NME7: variants seen among roughly 807,000 people sequenced by gnomAD.
NME7 encodes the protein nucleoside diphosphate kinase 7.
In NME7, 41 loss-of-function variants were observed where a neutral mutation model predicts 49.1. That is an observed-to-expected ratio of 0.83 (90% CI 0.65 to 1.08). The LOEUF is 1.08. Ranked by LOEUF, NME7 falls within the 50% of genes least tolerant of loss-of-function variation. The pLI is 0.00. For missense variants in NME7, 423 were observed against 463.4 expected (o/e 0.91, Z 0.80); for synonymous variants, 139 against 150.6 (o/e 0.92, Z 0.56).
intron 6 of NME7, among the ~76,000 whole-genome samples, chr1:169,293,827 CTTCAT>C (rs1449295102): frequency 6.6e-6 from 1 of 152,010 alleles, no homozygotes; most frequent in Non-Finnish European, 1.5e-5. Flanking sequence ...TGGCATATAT[CTTCAT>C]TTATTTATGT....
chr1:169,205,471 A>C (rs1265005807), intron 10 of NME7, among the ~76,000 whole-genome samples: 2 of 152,164 alleles, frequency 1.3e-5, no homozygotes, highest in Non-Finnish European at 2.9e-5. Context: ...CTCTGAGAAA[A>C]GTAAGAAAAA....
At chr1:169,272,025 G>GA (rs1323210868) in intron 7 of NME7, among the ~76,000 whole-genome samples, 2 of 129,598 alleles carry the variant, frequency 1.5e-5, no homozygotes, top group African/African-American at 2.6e-5. Context: ...GAAATAAAAG[G>GA]AAAAAAAAGC....
At chr1:169,209,876 C>A (rs1164886286) in intron 10 of NME7, among the ~76,000 whole-genome samples, 1 of 152,070 alleles carries the variant, frequency 6.6e-6, no homozygotes, top group Admixed American at 6.6e-5. Flanking sequence ...CTACAGGCTT[C>A]AGAATAAATG....
chr1:169,160,508 T>C (rs994176130), intron 11 of NME7, among the ~76,000 whole-genome samples: 12 of 152,216 alleles, frequency 7.9e-5, no homozygotes, highest in Middle Eastern at 3.4e-3. Flanking sequence ...ATCTGGAATA[T>C]ATAGTATATA....
chr1:169,213,768 G>A (rs1013040168), intron 10 of NME7, among the ~76,000 whole-genome samples: 1 of 151,750 alleles, frequency 6.6e-6, no homozygotes, highest in Non-Finnish European at 1.5e-5. Context: ...TCAGACAGCA[G>A]TTGAGCTGTC....
intron 10 of NME7, among the ~76,000 whole-genome samples, chr1:169,210,223 G>A (rs1262720270): frequency 6.6e-6 from 1 of 152,120 alleles, no homozygotes; most frequent in Non-Finnish European, 1.5e-5. Context: ...ACCCAAGTCT[G>A]TATACCACAG....
intron 10 of NME7, among the ~76,000 whole-genome samples, chr1:169,193,846 A>T (rs1166252169): frequency 6.6e-6 from 1 of 152,186 alleles, no homozygotes; most frequent in Non-Finnish European, 1.5e-5. Flanking sequence ...AGTGGAAAGA[A>T]ATAAAAGAGG....
chr1:169,276,011 C>T lies in NME7; in HGVS notation c.754+11292G>A, dbSNP rs376305814. ...ATTTATTGATTTGCGTATATTGAAC[C>T]GGCCTTGCATCCCAGGGATGAAGCC... On this transcript the variant is annotated intron_variant, in intron 7 of 11. Coordinates refer to ENST00000367811, the MANE Select transcript of NME7 (RefSeq NM_013330.5). 6.4e-4 allele frequency among the ~76,000 whole-genome samples: 86 copies of T among 133,622 alleles called. 21 individuals are homozygous for T. Among genetic ancestry groups the T allele is most frequent in the Non-Finnish European group, 9.1e-4 (52 of 56,874 alleles). The allele number at this position is 133,622 out of a possible 152,430, so 87.7% of individuals were successfully genotyped here.
At chr1:169,168,941 T>C (rs997443814) in intron 11 of NME7, 5 of 452,216 alleles carry the variant, frequency 1.1e-5, no homozygotes, top group African/African-American at 1.0e-4. Context: ...ACCAGCACAG[T>C]TCAAACATTG....
intron 7 of NME7, among the ~76,000 whole-genome samples, chr1:169,244,089 A>C (rs1389925481): frequency 2.6e-5 from 4 of 152,146 alleles, no homozygotes; most frequent in Admixed American, 6.5e-5. Context: ...ACAGCTATGA[A>C]ACATCTGTTT....
chr1:169,156,319 A>T lies in NME7; in HGVS notation c.1098+13128T>A, dbSNP rs554118022. On this transcript the variant is annotated intron_variant, in intron 11 of 11. Coordinates refer to ENST00000367811, the MANE Select transcript of NME7 (RefSeq NM_013330.5). ...AGTGAGACTCTGTCTCAAAAAAATTAAAAAAAAAATTAAAAAGCCATCCAG... is the reference window on the plus strand; with the variant it reads ...AGTGAGACTCTGTCTCAAAAAAATTTAAAAAAAAATTAAAAAGCCATCCAG... 1.1e-4 allele frequency among the ~76,000 whole-genome samples: 16 copies of T among 148,146 alleles called. No individual in the cohort carries two copies. The East Asian group carries it at 1.2e-3, about 11-fold the overall frequency.
At chr1:169,185,173 C>CA (rs1473763184) in intron 10 of NME7, among the ~76,000 whole-genome samples, 1 of 152,158 alleles carries the variant, frequency 6.6e-6, no homozygotes, top group Admixed American at 6.5e-5. Flanking sequence ...CTTCCTGACT[C>CA]AAACACCTCT....
chr1:169,235,391 C>T lies in NME7; in HGVS notation c.820-192G>A, dbSNP rs556699867. 4.6e-5 allele frequency among the ~76,000 whole-genome samples: 7 copies of T among 152,174 alleles called. No individual in the cohort carries two copies. In the East Asian group the frequency reaches 1.4e-3, roughly 29 times the overall value. ...AGAATAATAATGGATAACAGCATCA[C>T]TCTAGGTTCTATACGTGCATCATCT... On this transcript the variant is annotated intron_variant, in intron 8 of 11. Transcript: ENST00000367811.
intron 6 of NME7, among the ~76,000 whole-genome samples, chr1:169,293,225 G>A (rs1461548320): frequency 6.6e-6 from 1 of 150,926 alleles, no homozygotes; most frequent in Non-Finnish European, 1.5e-5. Context: ...GAGCCCATGG[G>A]TTCAAAGTTA....
chr1:169,154,053 C>T (rs1658992528), intron 11 of NME7, among the ~76,000 whole-genome samples: 1 of 151,806 alleles, frequency 6.6e-6, no homozygotes, highest in African/African-American at 2.4e-5. Context: ...CTCACTCTGT[C>T]ATCCAGCTGG....
chr1:169,143,896 T>C (rs1371550256), intron 11 of NME7, among the ~76,000 whole-genome samples: 1 of 152,166 alleles, frequency 6.6e-6, no homozygotes, highest in Non-Finnish European at 1.5e-5. Flanking sequence ...TTTTTTATTG[T>C]GGACAACTTT....
intron 11 of NME7, among the ~76,000 whole-genome samples, chr1:169,154,210 G>A (rs937874169): frequency 6.7e-5 from 10 of 148,238 alleles, no homozygotes; most frequent in Admixed American, 6.0e-4. Flanking sequence ...ACTGGGTCTT[G>A]CCATGTTGCC....
At chr1:169,283,050 A>C (rs1411430795) in intron 7 of NME7, among the ~76,000 whole-genome samples, 1 of 152,144 alleles carries the variant, frequency 6.6e-6, no homozygotes, top group Non-Finnish European at 1.5e-5. Flanking sequence ...CTGGGGTGTT[A>C]AATTCTCCCA....
chr1:169,348,992 G>A (rs1389505032), intron 1 of NME7, among the ~76,000 whole-genome samples: 8 of 151,832 alleles, frequency 5.3e-5, no homozygotes, highest in East Asian at 1.9e-4. Context: ...GGGCCCTACC[G>A]CTTTCTAGCG....
Sources: gnomAD v4.1 joint callset for allele counts (sites outside exome capture counted in the v4.1 genomes callset) on GRCh38, gnomAD v4.1.1 for gene constraint, MANE v1.5 for transcripts, NCBI Gene and HGNC (gene_info 2026-07-23, HGNC 2026-07-21) for gene names.